The following TSACC variants were observed in gnomAD, a reference collection of about 807,000 sequenced individuals.
TSACC encodes TSSK6-activating co-chaperone protein.
A neutral mutation model predicts 6.9 loss-of-function variants in TSACC; 3 were observed. The ratio of observed to expected loss-of-function variants is 0.43; its 90% CI spans 0.20 to 1.12. TSACC has a LOEUF of 1.12. Among genes scored for constraint, TSACC ranks in the 50% most tolerant of loss-of-function variants. The probability of loss-of-function intolerance (pLI) is 0.28; values close to 1 mark genes in which losing one functional copy is unlikely to be tolerated. For missense variants in TSACC, 137 were observed against 143.9 expected, an observed-to-expected ratio of 0.95 and a Z score of 0.24; for synonymous variants, 54 against 55.1, an observed-to-expected ratio of 0.98 and a Z score of 0.09.
rs1181700891 is a variant in TSACC, at chr1:156,346,841, C to T, written c.237C>T (p.Leu79=). The T allele has an allele frequency of 9.3e-6, 15 of 1,614,074 alleles. No homozygotes were observed. The Admixed American group carries it at 1.8e-4, about 20-fold the overall frequency. ...MYANLQLQTQ[L]AQQQMAVLEH... is the part of the protein sequence containing the mutation. ...CAAACCTCCAGCTTCAGACCCAGCT[C>T]GCCCAACAACAGATGGCTGTTTTGG... The change falls in exon 4 of 4, where the codon CTC becomes CTT. Residue 79 remains leucine, a synonymous_variant. Transcript: ENST00000368254.
chr1:156,340,321 G>T (rs1302668385), intron 2 of TSACC, among the ~76,000 whole-genome samples: 1 of 152,148 alleles, frequency 6.6e-6, no homozygotes, highest in Admixed American at 6.5e-5. Flanking sequence ...ACCATGCCCG[G>T]CTAATTTTTT....
chr1:156,346,716 C>T (rs1666203754), intron 3 of TSACC, 52 bp from the exon 4 acceptor site: 2 of 1,577,064 alleles, frequency 1.3e-6, no homozygotes, highest in African/African-American at 2.7e-5. Flanking sequence ...AGTACAATTA[C>T]CAAATCTCTC....
At chr1:156,339,835 C>T (rs1570949925) in intron 2 of TSACC, 44 bp downstream of exon 2, 5 of 1,609,072 alleles carry the variant, frequency 3.1e-6, no homozygotes, top group East Asian at 2.2e-5. Context: ...AAAAGCAAGA[C>T]CTCCTTTGCA....
chr1:156,338,295 C>T, upstream of TSACC: 1 of 1,022,512 alleles, frequency 9.8e-7, no homozygotes, highest in Non-Finnish European at 1.5e-6. Context: ...GGGCTTACAC[C>T]TCAACCCGCT....
upstream of TSACC, chr1:156,337,875 G>C (rs993982807): frequency 7.5e-5 from 38 of 505,174 alleles, no homozygotes; most frequent in South Asian, 1.8e-4. Flanking sequence ...GGGGAAGCGT[G>C]GGGGCTGAGG....
chr1:156,339,662 C>T lies in TSACC; in HGVS notation c.-96C>T. On this transcript the variant is annotated 5_prime_UTR_variant, in exon 2 of 4. Transcript: ENST00000368254. ...GGAACAGGCTGAGATCTGCTGGAGA[C>T]AACTTAGGAAATTATCATAGTGAAA... 6.6e-7 allele frequency: 1 copy of T among 1,523,348 alleles called. No individual in the cohort carries two copies. 94.4% of individuals were successfully genotyped at this position (1,523,348 alleles called of 1,614,324 possible).
rs1040010601 is a variant in TSACC, at chr1:156,344,594, G to A, written c.49G>A (p.Glu17Lys). 3 of 1,613,786 alleles carry A rather than the reference G, an allele frequency of 1.9e-6. No homozygotes were observed. The African/African-American group carries it at 4.0e-5, about 22-fold the overall frequency. Residue 17 changes from glutamate to lysine, a missense_variant, in exon 3 of 4, where the codon GAA (glutamate) becomes AAA (lysine). Physicochemically the swap from Glu to Lys is moderately conservative, Grantham distance 56 (BLOSUM62 1). Coordinates refer to ENST00000368254, the MANE Select transcript of TSACC (RefSeq NM_001304817.2). ...CTCTGATTTAGTTCCAGCCAAAGAG[G>A]AAGCTAATGCTGTGCCTCTCTGTAG... is the stretch of plus-strand genomic sequence containing the variant. ...HPNRKVPAKE[E>K]ANAVPLCRAK...
chr1:156,338,221 G>A (rs1329901373), upstream of TSACC: 7 of 1,572,864 alleles, frequency 4.5e-6, no homozygotes, highest in East Asian at 9.2e-5. Context: ...CAGAGCTGGG[G>A]GAACCGGCAG....
chr1:156,339,174 G>A (rs1487645100), intron 1 of TSACC, among the ~76,000 whole-genome samples: 2 of 151,682 alleles, frequency 1.3e-5, no homozygotes, highest in African/African-American at 4.8e-5. Flanking sequence ...TGAGGCAGGA[G>A]AATCGCTTGA....
At chr1:156,338,521 C>G, upstream of TSACC, 1 of 492,584 alleles carries the variant, frequency 2.0e-6, no homozygotes, top group Non-Finnish European at 3.7e-6. Context: ...CGCCAAGGCT[C>G]TGGCAGTTGG....
chr1:156,339,506 A>C (rs900106246), intron 1 of TSACC, 128 bp from the exon 2 acceptor site: 2 of 462,264 alleles, frequency 4.3e-6, no homozygotes, highest in Non-Finnish European at 7.7e-6. Context: ...TATTTTGTCC[A>C]GAAAAAAAAG....
chr1:156,345,772 G>A (rs2101719352), intron 3 of TSACC, among the ~76,000 whole-genome samples: 1 of 151,882 alleles, frequency 6.6e-6, no homozygotes, highest in East Asian at 1.9e-4. Flanking sequence ...GGAGACTGAG[G>A]CAGGAGAATT....
chr1:156,346,734 T>G lies in TSACC; in HGVS notation c.164-34T>G, dbSNP rs559044284. ...ACAATTACCAAATCTCTCTCCTTTG[T>G]TCCCTTGCACCTCCGTTGCTTTTCC... On this transcript the variant is annotated intron_variant, in intron 3 of 3. Transcript: ENST00000368254. 9.9e-5 allele frequency: 158 copies of G among 1,602,274 alleles called. 1 individual carries two copies. In the African/African-American group the frequency reaches 1.6e-3, roughly 17 times the overall value.
Position 156,346,884 on chromosome 1 carries a change from G to T in TSACC, c.280G>T (p.Val94Leu), listed in dbSNP as rs750185303. ...MAVLEHLQAS[V>L]TQLAPGRGSN... is the part of the protein sequence containing the mutation. Reference sequence around the variant, plus strand: ...TGTTTTGGAACATTTACAGGCATCTGTGACACAACTGGCTCCTGGGAGGGG... The same window carrying T: ...TGTTTTGGAACATTTACAGGCATCTTTGACACAACTGGCTCCTGGGAGGGG... Residue 94 changes from valine (V) to leucine (L), a missense_variant, in exon 4 of 4, where the codon GTG becomes TTG. Physicochemically the swap from Val to Leu is conservative, Grantham distance 32. Coordinates refer to ENST00000368254, the MANE Select transcript of TSACC (RefSeq NM_001304817.2). The T allele has an allele frequency of 1.6e-5, 26 of 1,614,066 alleles. No individual in the cohort carries two copies. The highest frequency in any genetic ancestry group is 2.0e-5 in the Non-Finnish European group (24 of 1,180,044).
chr1:156,342,559 C>G (rs1390720877), intron 2 of TSACC, among the ~76,000 whole-genome samples: 2 of 152,352 alleles, frequency 1.3e-5, no homozygotes, highest in Non-Finnish European at 2.9e-5. Context: ...CTACTTTTCA[C>G]ACTTCTGCCC....
chr1:156,342,116 G>C (rs1312607391), intron 2 of TSACC, among the ~76,000 whole-genome samples: 1 of 151,688 alleles, frequency 6.6e-6, no homozygotes, highest in Non-Finnish European at 1.5e-5. Context: ...GTCCAGGAAG[G>C]ACTCAAATTA....
intron 2 of TSACC, among the ~76,000 whole-genome samples, chr1:156,342,443 A>C (rs1665949313): frequency 6.6e-6 from 1 of 152,244 alleles, no homozygotes; most frequent in Admixed American, 6.5e-5. Flanking sequence ...GACAGAAAGC[A>C]TCTCACCCTG....
chr1:156,339,520 G>A, intron 1 of TSACC, 114 bp from the exon 2 acceptor site: 2 of 484,268 alleles, frequency 4.1e-6, no homozygotes, highest in South Asian at 6.2e-5. Context: ...AAAAAAGGAA[G>A]CACTAAAGGA....
At chr1:156,340,458 C>CTTT (rs1294722828) in intron 2 of TSACC, among the ~76,000 whole-genome samples, 14 of 111,782 alleles carry the variant, frequency 1.3e-4, no homozygotes, top group East Asian at 2.6e-4. Context: ...CGCCCCCGGC[C>CTTT]TTTTTTTTTT....
Sources: gnomAD v4.1 joint callset for allele counts (sites outside exome capture counted in the v4.1 genomes callset) on GRCh38, gnomAD v4.1.1 for gene constraint, MANE v1.5 for transcripts, NCBI Gene and HGNC (gene_info 2026-07-23, HGNC 2026-07-21) for gene names.